Variants in ESRRA observed in about 807,000 individuals in gnomAD.
ESRRA encodes estrogen related receptor alpha, also known as steroid hormone receptor ERR1.
A neutral mutation model predicts 35.6 loss-of-function variants in ESRRA; 7 were observed. That is an observed-to-expected ratio of 0.20 (90% CI 0.11 to 0.37). The LOEUF (loss-of-function observed/expected upper bound fraction) is 0.37, where lower values mean the gene tolerates loss of function less well. ESRRA is among the 10% of genes least tolerant of loss of function. The pLI is 1.00. For missense variants in ESRRA, 378 were observed against 561.7 expected (o/e 0.67, Z 3.31); for synonymous variants, 223 against 246.9 (o/e 0.90, Z 0.91).
chr11:64,314,972 A>C, intron 5 of ESRRA, 29 bp from the exon 6 acceptor site: 2 of 1,591,386 alleles, frequency 1.3e-6, no homozygotes, highest in Non-Finnish European at 1.7e-6. Flanking sequence ...GCGCTTGCTC[A>C]GCCAGGCCCG....
intron 2 of ESRRA, among the ~76,000 whole-genome samples, chr11:64,310,688 C>T (rs1285317869): frequency 2.6e-5 from 4 of 152,020 alleles, no homozygotes; most frequent in Non-Finnish European, 4.4e-5. Context: ...GCTGGGATTA[C>T]AGGCGCCTGC....
Position 64,305,960 on chromosome 11 carries a change from T to G in ESRRA, c.-13+224T>G, listed in dbSNP as rs1372976980. Among the ~76,000 whole-genome samples, 7 of 151,938 alleles carry G rather than the reference T, an allele frequency of 4.6e-5. No individual in the cohort carries two copies. On this transcript the variant is annotated intron_variant, in intron 1 of 6. Coordinates refer to ENST00000000442, the MANE Select transcript of ESRRA (RefSeq NM_004451.5). The surrounding 1 kb of genome is among the most constrained non-coding windows in gnomAD (Gnocchi z 5.8). ...GCCGGCCTGGGGCAGGATCTGGCTCTGGCTGCGGGTCCTGACTCGGGTCAG... is the reference window on the plus strand; with the variant it reads ...GCCGGCCTGGGGCAGGATCTGGCTCGGGCTGCGGGTCCTGACTCGGGTCAG...
chr11:64,315,650 G>C, intron 6 of ESRRA, 57 bp from the exon 7 acceptor site: 3 of 1,598,374 alleles, frequency 1.9e-6, no homozygotes, highest in Non-Finnish European at 2.6e-6. Context: ...TCAAGATACG[G>C]GGAGTGCCCT....
chr11:64,314,440 T>C, intron 4 of ESRRA, 73 bp downstream of exon 4: 6 of 1,442,800 alleles, frequency 4.2e-6, no homozygotes, highest in Non-Finnish European at 5.5e-6. Flanking sequence ...CCTTGGGCAC[T>C]GGGACCTGTA....
intron 2 of ESRRA, 100 bp downstream of exon 2, chr11:64,307,604 A>G (rs2135248573): frequency 1.1e-6 from 1 of 900,196 alleles, no homozygotes; most frequent in South Asian, 2.5e-5. Flanking sequence ...GCTTGAGGCT[A>G]ACAATCTGGT....
At position 64,315,021 on chromosome 11, in the gene ESRRA, T is replaced by C. The variant is rs1565377882; in HGVS notation, c.763T>C (p.Ser255Pro). ...SIPGFSSLSL[S>P]DQMSVLQSVW... The stretch of plus-strand genomic sequence containing the variant: ...CCTAGGCTTCTCATCGCTGTCGCTG[T>C]CTGACCAGATGTCAGTACTGCAGAG... Residue 255 changes from serine (S) to proline (P), a missense_variant, in exon 6 of 7, where the codon TCT becomes CCT. Ser to Pro is a moderately conservative substitution (Grantham distance 74). Coordinates refer to ENST00000000442, the MANE Select transcript of ESRRA (RefSeq NM_004451.5). 7.5e-6 allele frequency: 12 copies of C among 1,600,218 alleles called. No individual in the cohort carries two copies. The highest frequency in any genetic ancestry group is 1.3e-5 in the African/African-American group (1 of 74,820).
Position 64,316,581 on chromosome 11 carries a change from T to G in ESRRA, c.*615T>G. 2.6e-6 allele frequency: 1 copy of G among 385,322 alleles called. No individual in the cohort carries two copies. The highest frequency in any genetic ancestry group is 4.8e-6 in the Non-Finnish European group (1 of 208,748). 23.9% of individuals were successfully genotyped at this position (385,322 alleles called of 1,614,324 possible). On this transcript the variant is annotated 3_prime_UTR_variant, in exon 7 of 7. Transcript: ENST00000000442. ...CTGCAGAGCAATAACACTATATTTATTTTTGGGTTTGGCCAGGGAGGCGCA... is the reference window on the plus strand; with the variant it reads ...CTGCAGAGCAATAACACTATATTTAGTTTTGGGTTTGGCCAGGGAGGCGCA...
intron 2 of ESRRA, among the ~76,000 whole-genome samples, chr11:64,312,329 G>T (rs1416346367): frequency 6.6e-6 from 1 of 151,722 alleles, no homozygotes; most frequent in African/African-American, 2.4e-5. Flanking sequence ...TAGTAGAGAC[G>T]GGGTTTTACC....
chr11:64,313,659 T>G lies in ESRRA; in HGVS notation c.326-292T>G, dbSNP rs1252822885. The G allele has an allele frequency of 8.5e-6, 3 of 353,030 alleles. No individual in the cohort carries two copies. Among genetic ancestry groups the G allele is most frequent in the Non-Finnish European group, 1.5e-5 (3 of 193,992 alleles). 21.9% of individuals were successfully genotyped at this position (353,030 alleles called of 1,614,324 possible). A position where few individuals can be genotyped will look rare whatever the true frequency, so the allele number is the denominator to read the frequency against. ...AAGAATTGACCACTGGATTTAGCAA[T>G]GCAGAGGTCCTTGTGGCCCTTGATG... On this transcript the variant is annotated intron_variant, in intron 2 of 6. Coordinates refer to ENST00000000442, the MANE Select transcript of ESRRA (RefSeq NM_004451.5). The surrounding 1 kb of genome is among the most constrained non-coding windows in gnomAD (Gnocchi z 4.0).
chr11:64,314,515 A>G, intron 4 of ESRRA, 148 bp downstream of exon 4: 7 of 1,113,222 alleles, frequency 6.3e-6, no homozygotes, highest in Non-Finnish European at 8.7e-6. Flanking sequence ...TTCCTGCATC[A>G]GGAAAAGTAG....
At position 64,312,942 on chromosome 11, in the gene ESRRA, C is replaced by T. The variant is rs1006299577; in HGVS notation, c.326-1009C>T. Among the ~76,000 whole-genome samples the T allele has an allele frequency of 3.0e-4, 46 of 152,074 alleles. 1 individual carries two copies. The highest frequency in any genetic ancestry group is 1.2e-3 in the Admixed American group (18 of 15,254). Reference sequence around the variant, plus strand: ...GGAGGCAAGAAGCAGGGGCGTAGGCCTAGGAGGACATAGGTTCGCTTTGGC... The same window carrying T: ...GGAGGCAAGAAGCAGGGGCGTAGGCTTAGGAGGACATAGGTTCGCTTTGGC... On this transcript the variant is annotated intron_variant, in intron 2 of 6. Transcript: ENST00000000442.
intron 5 of ESRRA, 22 bp from the exon 6 acceptor site, chr11:64,314,979 C>A (rs1174596640): frequency 6.3e-7 from 1 of 1,585,360 alleles, no homozygotes; most frequent in South Asian, 1.1e-5. Context: ...CTCAGCCAGG[C>A]CCGCTCCCCG....
intron 2 of ESRRA, 128 bp downstream of exon 2, chr11:64,307,632 C>G: frequency 1.6e-6 from 1 of 632,248 alleles, no homozygotes; most frequent in Non-Finnish European, 2.5e-6. Flanking sequence ...GTCCCTCTAC[C>G]TCCCAGAGAC....
At chr11:64,312,615 G>T (rs1218519572) in intron 2 of ESRRA, among the ~76,000 whole-genome samples, 5 of 152,204 alleles carry the variant, frequency 3.3e-5, no homozygotes, top group African/African-American at 1.2e-4. Context: ...CTAGTGCTGG[G>T]GCCAGTTCCT....
chr11:64,307,038 C>T, intron 1 of ESRRA, 130 bp from the exon 2 acceptor site: 1 of 679,330 alleles, frequency 1.5e-6, no homozygotes, highest in Non-Finnish European at 2.4e-6. Context: ...TGGACTCTGC[C>T]CCCCTTCTTC....
At position 64,315,400 on chromosome 11, in the gene ESRRA, G is replaced by T. The variant is rs2035227889; in HGVS notation, c.1012+130G>T. ...CTTAGGGAAGAACAATGACTTGCTAGAAGTCAAAAAGCAAGCCAAGTGCAG... is the reference window on the plus strand; with the variant it reads ...CTTAGGGAAGAACAATGACTTGCTATAAGTCAAAAAGCAAGCCAAGTGCAG... On this transcript the variant is annotated intron_variant, in intron 6 of 6. Transcript: ENST00000000442. The T allele has an allele frequency of 3.4e-6, 4 of 1,184,482 alleles. No homozygotes were observed. The South Asian group carries it at 6.5e-5, about 19-fold the overall frequency. The allele number at this position is 1,184,482 out of a possible 1,614,324, so 73.4% of individuals were successfully genotyped here.
intron 2 of ESRRA, among the ~76,000 whole-genome samples, chr11:64,311,337 G>A (rs1278270312): frequency 6.6e-6 from 1 of 152,132 alleles, no homozygotes; most frequent in African/African-American, 2.4e-5. Flanking sequence ...GCAACAGTGA[G>A]TTGCACAGAC....
intron 2 of ESRRA, among the ~76,000 whole-genome samples, chr11:64,310,417 G>A (rs2035117338): frequency 6.6e-6 from 1 of 150,840 alleles, no homozygotes; most frequent in African/African-American, 2.4e-5. Flanking sequence ...TGTACTTTTA[G>A]TAGAGACGGG....
chr11:64,305,741 G>T lies in ESRRA; in HGVS notation c.-13+5G>T, dbSNP rs1175392485. 2 of 149,842 alleles carry T rather than the reference G, an allele frequency of 1.3e-5. No individual in the cohort carries two copies. Among genetic ancestry groups the T allele is most frequent in the African/African-American group, 4.9e-5 (2 of 41,148 alleles). 9.3% of individuals were successfully genotyped at this position (149,842 alleles called of 1,614,324 possible). On this transcript the variant is annotated splice_donor_5th_base_variant and intron_variant, in intron 1 of 6. Transcript: ENST00000000442. The surrounding 1 kb of genome is among the most constrained non-coding windows in gnomAD (Gnocchi z 5.8). ...ACCGCGCTGCCGGAGCCCCAGGTCC[G>T]GGGGCGGAGGGGAGCGCTGCCGCGG...
Sources: allele counts gnomAD v4.1 joint callset (sites outside exome capture counted in the v4.1 genomes callset), GRCh38; gene constraint gnomAD v4.1.1; non-coding constraint Gnocchi (gnomAD v3.1); transcripts MANE v1.5; gene names NCBI Gene and HGNC (gene_info 2026-07-23, HGNC 2026-07-21).